Variants in RIMBP2 observed in about 807,000 individuals in gnomAD.
RIMBP2 encodes RIMS binding protein 2, also known as RIMS-binding protein 2.
In RIMBP2, 48 loss-of-function variants were observed where a neutral mutation model predicts 118.6. That is an observed-to-expected ratio of 0.40 (90% CI 0.32 to 0.51). RIMBP2 has a LOEUF of 0.51. RIMBP2 is among the 20% of genes least tolerant of loss of function. The probability of loss-of-function intolerance (pLI) is 0.41; values close to 1 mark genes in which losing one functional copy is unlikely to be tolerated. For synonymous variants in RIMBP2, 762 were observed against 742.9 expected (o/e 1.03, Z -0.42); for missense variants, 1,551 against 1,768.3 (o/e 0.88, Z 2.20).
In RIMBP2 at chr12:130,432,447, C is replaced by T. The variant is rs114678729; in HGVS notation, c.2253+2287G>A. On this transcript the variant is annotated intron_variant, in intron 14 of 22. Transcript: ENST00000690449. Reference sequence around the variant, plus strand: ...GCTATCGTGGCAGGTGTTGCTGGCTCGACATTTGCTATGGACTAAGTTGTA... The same window carrying T: ...GCTATCGTGGCAGGTGTTGCTGGCTTGACATTTGCTATGGACTAAGTTGTA... Among the ~76,000 whole-genome samples the T allele has an allele frequency of 4.8e-3, 735 of 152,180 alleles. 9 individuals are homozygous for T. Among genetic ancestry groups the T allele is most frequent in the African/African-American group, 0.017 (704 of 41,506 alleles).
chr12:130,535,761 A>G (rs1409563658), intron 2 of RIMBP2, among the ~76,000 whole-genome samples: 2 of 102,592 alleles, frequency 1.9e-5, no homozygotes, highest in Non-Finnish European at 3.9e-5. Flanking sequence ...ATATATATAT[A>G]TATATATATA....
At position 130,623,442 on chromosome 12, in the gene RIMBP2, C is replaced by T. The variant is rs972441265; in HGVS notation, c.-217+4880G>A. ...ACCCCCTGAAGTAGAGGCACATTTG[C>T]ACAGATTCTCGAGTAATGTACACAG... On this transcript the variant is annotated intron_variant, in intron 2 of 22. Coordinates refer to ENST00000690449, the MANE Select transcript of RIMBP2 (RefSeq NM_001393629.1). This position sits in a 1 kb window ranked among gnomAD's most constrained non-coding sequence, Gnocchi z 4.1. 2.0e-5 allele frequency among the ~76,000 whole-genome samples: 3 copies of T among 151,744 alleles called. No individual in the cohort carries two copies. Among genetic ancestry groups the T allele is most frequent in the African/African-American group, 7.3e-5 (3 of 41,316 alleles).
intron 1 of RIMBP2, among the ~76,000 whole-genome samples, chr12:130,635,618 C>T (rs1422492347): frequency 6.6e-6 from 1 of 152,132 alleles, no homozygotes; most frequent in East Asian, 1.9e-4. Context: ...GGGGATACTG[C>T]TGGCATTGAG....
chr12:130,414,841 G>T (rs12821856), intron 17 of RIMBP2: 1 of 152,734 alleles, frequency 6.5e-6, no homozygotes, highest in Non-Finnish European at 1.5e-5. Context: ...TTCCAAAAGT[G>T]GTTCTTTTGG....
intron 17 of RIMBP2, chr12:130,414,582 G>C: frequency 3.5e-6 from 1 of 287,754 alleles, no homozygotes; most frequent in Admixed American, 4.7e-5. Context: ...AGCACAGGCT[G>C]GGGCAGGGGC....
chr12:130,631,623 T>C (rs1461805954), intron 1 of RIMBP2, among the ~76,000 whole-genome samples: 1 of 151,992 alleles, frequency 6.6e-6, no homozygotes, highest in Non-Finnish European at 1.5e-5. Context: ...TGAGAACCAC[T>C]TATCTACCAC....
intron 2 of RIMBP2, among the ~76,000 whole-genome samples, chr12:130,573,105 G>A (rs1369343413): frequency 6.6e-6 from 1 of 152,198 alleles, no homozygotes; most frequent in Non-Finnish European, 1.5e-5. Context: ...GGCAGCCTTT[G>A]AGAAATCAGT....
chr12:130,645,742 T>C (rs1176219359), intron 1 of RIMBP2, among the ~76,000 whole-genome samples: 5 of 152,216 alleles, frequency 3.3e-5, no homozygotes, highest in Non-Finnish European at 5.9e-5. Context: ...GCCTGATCTC[T>C]TCCTTATCGC....
intron 1 of RIMBP2, among the ~76,000 whole-genome samples, chr12:130,698,172 A>T (rs1209267906): frequency 1.3e-5 from 2 of 152,122 alleles, no homozygotes; most frequent in African/African-American, 4.8e-5. Context: ...GACCCCAGAG[A>T]TAAAGACTTT....
Position 130,475,404 on chromosome 12 carries a change from A to G in RIMBP2, c.102+3508T>C, listed in dbSNP as rs1409625342. Among the ~76,000 whole-genome samples, 2 of 152,212 alleles carry G rather than the reference A, an allele frequency of 1.3e-5. No individual in the cohort carries two copies. Among genetic ancestry groups the G allele is most frequent in the Admixed American group, 1.3e-4 (2 of 15,290 alleles). On this transcript the variant is annotated intron_variant, in intron 5 of 22. Transcript: ENST00000690449. This position sits in a 1 kb window ranked among gnomAD's most constrained non-coding sequence, Gnocchi z 4.1. The stretch of plus-strand genomic sequence containing the variant: ...TCTGGGGGTGAAGCTGATCCCACCA[A>G]GGAATCTCTAAGTACTGCACAATGT...
intron 2 of RIMBP2, among the ~76,000 whole-genome samples, chr12:130,626,895 C>T (rs1325846930): frequency 6.6e-6 from 1 of 151,328 alleles, no homozygotes; most frequent in East Asian, 1.9e-4. Context: ...CTACTGCCGG[C>T]ATCACCACCA....
At chr12:130,448,218 G>A (rs973589713) in intron 9 of RIMBP2, among the ~76,000 whole-genome samples, 1 of 152,164 alleles carries the variant, frequency 6.6e-6, no homozygotes, top group Admixed American at 6.5e-5. Flanking sequence ...ACTGGTGATG[G>A]CCACGGGAGA....
intron 21 of RIMBP2, among the ~76,000 whole-genome samples, chr12:130,404,491 G>T (rs1390975733): frequency 6.6e-6 from 1 of 152,048 alleles, no homozygotes; most frequent in African/African-American, 2.4e-5. Flanking sequence ...GTAGAAACGG[G>T]GTTTCACCAT....
chr12:130,401,497 T>G (rs997184053), intron 21 of RIMBP2, among the ~76,000 whole-genome samples: 2 of 151,892 alleles, frequency 1.3e-5, no homozygotes, highest in African/African-American at 4.8e-5. Flanking sequence ...ATCTTCCTGT[T>G]CAGCAACGCT....
intron 17 of RIMBP2, among the ~76,000 whole-genome samples, chr12:130,417,788 G>C (rs185264931): frequency 6.6e-6 from 1 of 152,188 alleles, no homozygotes; most frequent in African/African-American, 2.4e-5. Context: ...TAATACATAT[G>C]CATATATATA....
chr12:130,685,146 C>G (rs1022727389), intron 1 of RIMBP2, among the ~76,000 whole-genome samples: 11 of 152,304 alleles, frequency 7.2e-5, no homozygotes, highest in African/African-American at 2.6e-4. Context: ...ACACCGGGGA[C>G]AATGTCTGCT....
intron 1 of RIMBP2, among the ~76,000 whole-genome samples, chr12:130,671,805 G>A (rs540527677): frequency 6.7e-6 from 1 of 149,318 alleles, no homozygotes; most frequent in Non-Finnish European, 1.5e-5. Flanking sequence ...CTGGTTTAAT[G>A]AATGGGTTTA....
intron 7 of RIMBP2, 116 bp downstream of exon 7, chr12:130,456,380 G>C (rs935184450): frequency 2.4e-6 from 2 of 824,268 alleles, no homozygotes; most frequent in Non-Finnish European, 3.7e-6. Context: ...GCAGTGGCGG[G>C]TCCCTGTACC....
At chr12:130,587,716 T>C (rs967555936) in intron 2 of RIMBP2, among the ~76,000 whole-genome samples, 3 of 115,916 alleles carry the variant, frequency 2.6e-5, no homozygotes, top group African/African-American at 1.0e-4. Flanking sequence ...CATTGGGAGA[T>C]ATACCTAATG....
Sources: gnomAD v4.1 joint callset for allele counts (sites outside exome capture counted in the v4.1 genomes callset) on GRCh38, gnomAD v4.1.1 for gene constraint, Gnocchi (gnomAD v3.1) non-coding constraint, MANE v1.5 for transcripts, NCBI Gene and HGNC (gene_info 2026-07-23, HGNC 2026-07-21) for gene names.